The following PCDHA4 variants were observed in gnomAD, a reference collection of about 807,000 sequenced individuals.
The protein encoded by PCDHA4 is protocadherin alpha 4.
Under a neutral mutation model 61.4 loss-of-function variants are expected in PCDHA4, and 49 were observed. The observed-to-expected ratio is 0.80, with a 90% confidence interval of 0.63 to 1.01. PCDHA4 has a LOEUF of 1.01. PCDHA4 is among the 50% of genes least tolerant of loss of function. The pLI, the probability that PCDHA4 is intolerant of heterozygous loss-of-function variation, is 0.00. For synonymous variants in PCDHA4, 590 were observed against 550.3 expected (o/e 1.07, Z -1.01); for missense variants, 1,254 against 1,235.8 (o/e 1.01, Z -0.22).
chr5:140,919,847 G>A (rs1309572866), intron 1 of PCDHA4, among the ~76,000 whole-genome samples: 1 of 152,200 alleles, frequency 6.6e-6, no homozygotes, highest in East Asian at 1.9e-4. Flanking sequence ...TTTGGAACCT[G>A]TGACCTCATT....
intron 1 of PCDHA4, among the ~76,000 whole-genome samples, chr5:140,944,853 C>G (rs1230548858): frequency 6.6e-6 from 1 of 152,118 alleles, no homozygotes; most frequent in Non-Finnish European, 1.5e-5. Context: ...TTAGAATCAT[C>G]CTTATTTATC....
intron 3 of PCDHA4, among the ~76,000 whole-genome samples, chr5:140,990,256 A>G (rs2153888367): frequency 6.6e-6 from 1 of 152,332 alleles, no homozygotes; most frequent in Middle Eastern, 3.4e-3. Flanking sequence ...TCTGCTGGAT[A>G]CCAAACAATG....
intron 1 of PCDHA4, among the ~76,000 whole-genome samples, chr5:140,926,081 T>C (rs2153580512): frequency 6.6e-6 from 1 of 152,334 alleles, no homozygotes; most frequent in Admixed American, 6.5e-5. Flanking sequence ...TCTATTGCCC[T>C]CTTGGCAGCT....
At chr5:140,940,717 G>T (rs1554213570) in intron 1 of PCDHA4, among the ~76,000 whole-genome samples, 1 of 152,130 alleles carries the variant, frequency 6.6e-6, no homozygotes, top group African/African-American at 2.4e-5. Flanking sequence ...GCTGTGTGCT[G>T]TTTCAGCTGG....
chr5:141,010,321 G>C lies in PCDHA4; in HGVS notation c.*384G>C. On this transcript the variant is annotated 3_prime_UTR_variant, in exon 4 of 4. Transcript: ENST00000530339. Reference sequence around the variant, plus strand: ...GGCTGAAAAGTTTTGAGATTGAGCAGCTTGGGAGTTTGTGGCCACTGGGTA... The same window carrying C: ...GGCTGAAAAGTTTTGAGATTGAGCACCTTGGGAGTTTGTGGCCACTGGGTA... 7 of 1,541,244 alleles carry C rather than the reference G, an allele frequency of 4.5e-6. No homozygotes were observed. In the South Asian group the frequency reaches 8.5e-5, roughly 19 times the overall value.
At chr5:140,941,210 T>TCTTCCTTTCTTTCTTC (rs2092851427) in intron 1 of PCDHA4, among the ~76,000 whole-genome samples, 1 of 100,630 alleles carries the variant, frequency 9.9e-6, no homozygotes, top group South Asian at 2.9e-4. Context: ...TTCCTTTCTT[T>TCTTCCTTTCTTTCTTC]CTTCCTTTCT....
chr5:140,882,926 C>A (rs144073627), intron 1 of PCDHA4: 1 of 1,614,058 alleles, frequency 6.2e-7, no homozygotes, highest in Non-Finnish European at 8.5e-7. Flanking sequence ...TGGAGGTAAA[C>A]CCGAGCTGAC....
intron 3 of PCDHA4, among the ~76,000 whole-genome samples, chr5:140,984,589 T>C (rs2097109638): frequency 6.6e-6 from 1 of 152,186 alleles, no homozygotes; most frequent in Non-Finnish European, 1.5e-5. Flanking sequence ...ATCATACTTT[T>C]CAATACATAC....
Position 141,009,850 on chromosome 5 carries a change from C to CAAGAAAAAG in PCDHA4, c.2772_2780dup (p.Lys925_Lys927dup). ...TAACCTTCGGCAAAAAGGAGGAGAC[C>CAAGAAAAAG]AAGAAAAAGAAGAAAAAGAAGAAGG... On this transcript the variant is annotated inframe_insertion, in exon 4 of 4. Coordinates refer to ENST00000530339, the MANE Select transcript of PCDHA4 (RefSeq NM_018907.4). The CAAGAAAAAG allele has an allele frequency of 1.2e-6, 2 of 1,613,572 alleles. No individual in the cohort carries two copies. Among genetic ancestry groups the CAAGAAAAAG allele is most frequent in the Non-Finnish European group, 1.7e-6 (2 of 1,179,906 alleles).
At chr5:140,910,641 C>T (rs1270893523) in intron 1 of PCDHA4, among the ~76,000 whole-genome samples, 1 of 152,206 alleles carries the variant, frequency 6.6e-6, no homozygotes, top group Non-Finnish European at 1.5e-5. Flanking sequence ...CTCCCTAAAC[C>T]TTTTGATCCC....
At chr5:140,853,674 G>A (rs1554146796) in intron 1 of PCDHA4, 1 of 988,402 alleles carries the variant, frequency 1.0e-6, no homozygotes, top group East Asian at 1.1e-4. Flanking sequence ...GGGGCCTATG[G>A]TCAACCTATC....
At chr5:140,966,809 C>T (rs1335148442) in intron 1 of PCDHA4, 5 of 1,547,376 alleles carry the variant, frequency 3.2e-6, no homozygotes, top group African/African-American at 1.4e-5. Flanking sequence ...AGAGCATCCA[C>T]GGCTCCGGCG....
intron 1 of PCDHA4, chr5:140,856,684 A>G (rs1554148977): frequency 1.3e-6 from 2 of 1,597,646 alleles, no homozygotes; most frequent in Admixed American, 1.7e-5. Context: ...TGTTGTTGAC[A>G]GCAACTGATG....
intron 1 of PCDHA4, chr5:140,871,241 C>CGCT (rs1268066555): frequency 1.2e-6 from 2 of 1,613,972 alleles, no homozygotes; most frequent in African/African-American, 2.7e-5. Context: ...CTGGTACTCA[C>CGCT]GCTGCTGCTG....
At chr5:140,956,195 G>A (rs1324151692) in intron 1 of PCDHA4, among the ~76,000 whole-genome samples, 1 of 152,178 alleles carries the variant, frequency 6.6e-6, no homozygotes, top group Non-Finnish European at 1.5e-5. Flanking sequence ...CTGAATAGGA[G>A]TGGTGAAAGA....
At chr5:140,937,284 G>A (rs1473374286) in intron 1 of PCDHA4, among the ~76,000 whole-genome samples, 2 of 151,964 alleles carry the variant, frequency 1.3e-5, no homozygotes, top group South Asian at 2.1e-4. Context: ...TGATTCACCC[G>A]CTTCGGCCTC....
At chr5:140,933,692 C>T (rs2089349269) in intron 1 of PCDHA4, among the ~76,000 whole-genome samples, 1 of 151,798 alleles carries the variant, frequency 6.6e-6, no homozygotes, top group African/African-American at 2.4e-5. Context: ...TTTCCTATTC[C>T]TCGGACACAT....
chr5:140,937,288 C>T (rs1473599964), intron 1 of PCDHA4, among the ~76,000 whole-genome samples: 1 of 152,072 alleles, frequency 6.6e-6, no homozygotes, highest in African/African-American at 2.4e-5. Context: ...TCACCCGCTT[C>T]GGCCTCCCAA....
intron 1 of PCDHA4, chr5:140,836,266 C>A: frequency 6.2e-7 from 1 of 1,613,806 alleles, no homozygotes. Context: ...GGGCTGTACA[C>A]TGGTGAGATC....
Sources: gnomAD v4.1 joint callset for allele counts (sites outside exome capture counted in the v4.1 genomes callset) on GRCh38, gnomAD v4.1.1 for gene constraint, MANE v1.5 for transcripts, NCBI Gene and HGNC (gene_info 2026-07-23, HGNC 2026-07-21) for gene names.